Variants in UBE2G1 observed in about 807,000 individuals in gnomAD.
The protein encoded by UBE2G1 is ubiquitin-conjugating enzyme E2 G1.
A neutral mutation model predicts 22.7 loss-of-function variants in UBE2G1; 5 were observed. The ratio of observed to expected loss-of-function variants is 0.22; its 90% CI spans 0.12 to 0.46. The LOEUF (loss-of-function observed/expected upper bound fraction) is 0.46, where lower values mean the gene tolerates loss of function less well. Among genes scored for constraint, UBE2G1 ranks in the 20% least tolerant of loss-of-function variants. UBE2G1 has a pLI of 0.99. For missense variants in UBE2G1, 88 were observed against 203.9 expected (o/e 0.43, Z 3.46); for synonymous variants, 74 against 67.5 (o/e 1.10, Z -0.47).
rs1968772717 is a variant in UBE2G1 at position 4,272,481 on chromosome 17, G to A, written c.*73C>T. On this transcript the variant is annotated 3_prime_UTR_variant, in exon 6 of 6. Transcript: ENST00000396981. Reference sequence around the variant, plus strand: ...AAGTCCAGCAATAGGTGGGTAGAGTGCAGGAAAAACAGTGCCATGTTTCTC... The same window carrying A: ...AAGTCCAGCAATAGGTGGGTAGAGTACAGGAAAAACAGTGCCATGTTTCTC... The A allele has an allele frequency of 1.1e-5, 2 of 186,762 alleles. No individual in the cohort carries two copies. The highest frequency in any genetic ancestry group is 2.9e-4 in the South Asian group (2 of 6,996). 11.6% of individuals were successfully genotyped at this position (186,762 alleles called of 1,614,324 possible).
intron 2 of UBE2G1, 145 bp downstream of exon 2, chr17:4,306,876 T>A: frequency 1.8e-6 from 1 of 569,716 alleles, no homozygotes; most frequent in East Asian, 3.6e-5. Flanking sequence ...GGTCTCGAAC[T>A]CCTGACCTCA....
chr17:4,347,839 A>G (rs1398242409), intron 1 of UBE2G1, among the ~76,000 whole-genome samples: 1 of 151,830 alleles, frequency 6.6e-6, no homozygotes, highest in Non-Finnish European at 1.5e-5. Flanking sequence ...TGGTTTTTCT[A>G]TTATAATTGT....
rs181929358 is a variant in UBE2G1, at chr17:4,293,020, T to C, written c.248-3612A>G. ...CAATTCACCTATTTGAAAAGCACGA[T>C]TTAATGGTTTCTGTCTAGTATGTCT... On this transcript the variant is annotated intron_variant, in intron 3 of 5. Transcript: ENST00000396981. Among the ~76,000 whole-genome samples the C allele has an allele frequency of 3.3e-5, 5 of 152,330 alleles. No homozygotes were observed. The East Asian group carries it at 7.7e-4, about 23-fold the overall frequency.
intron 1 of UBE2G1, among the ~76,000 whole-genome samples, chr17:4,311,844 T>C (rs1969313921): frequency 6.6e-6 from 1 of 152,210 alleles, no homozygotes. Flanking sequence ...AGAAATCTGT[T>C]CATTCACTGA....
chr17:4,334,012 T>C (rs377509253), intron 1 of UBE2G1, among the ~76,000 whole-genome samples: 4 of 151,590 alleles, frequency 2.6e-5, no homozygotes, highest in Admixed American at 1.3e-4. Context: ...GAAAATCACA[T>C]AGCAGGTCTT....
At chr17:4,366,080 C>T (rs1970031261) in intron 1 of UBE2G1, among the ~76,000 whole-genome samples, 191 bp downstream of exon 1, 1 of 152,112 alleles carries the variant, frequency 6.6e-6, no homozygotes, top group South Asian at 2.1e-4. Context: ...GTCGCGTCCC[C>T]GCCCCCAGTG....
Position 4,366,473 on chromosome 17 carries a change from C to G in UBE2G1, c.-157G>C. 1.6e-6 allele frequency: 1 copy of G among 641,208 alleles called. No individual in the cohort carries two copies. The highest frequency in any genetic ancestry group is 3.5e-5 in the East Asian group (1 of 28,240). 39.7% of individuals were successfully genotyped at this position (641,208 alleles called of 1,614,324 possible). A position where few individuals can be genotyped will look rare whatever the true frequency, so the allele number is the denominator to read the frequency against. ...GGCTGAGGCGGCGGGAGCGGCGCCT[C>G]GCTGCCGGTGCGAGTCCGCTCGCTT... On this transcript the variant is annotated 5_prime_UTR_variant, in exon 1 of 6. Transcript: ENST00000396981.
intron 1 of UBE2G1, among the ~76,000 whole-genome samples, chr17:4,310,938 T>TG (rs1219645029): frequency 6.6e-6 from 1 of 152,138 alleles, no homozygotes; most frequent in Non-Finnish European, 1.5e-5. Flanking sequence ...GAGCTGGGCA[T>TG]GGTGGCTCAC....
At chr17:4,294,848 A>G (rs1260900783) in intron 3 of UBE2G1, among the ~76,000 whole-genome samples, 2 of 152,052 alleles carry the variant, frequency 1.3e-5, no homozygotes, top group African/African-American at 4.8e-5. Flanking sequence ...GGCTGCAGTG[A>G]GCTGTGATCA....
chr17:4,302,485 A>C (rs1464004584), intron 2 of UBE2G1: 2 of 475,556 alleles, frequency 4.2e-6, no homozygotes, highest in Non-Finnish European at 8.5e-6. Context: ...CACGCACTCC[A>C]TTCAGAATCT....
chr17:4,283,395 G>A (rs998569066), intron 4 of UBE2G1, among the ~76,000 whole-genome samples: 3 of 152,188 alleles, frequency 2.0e-5, no homozygotes, highest in African/African-American at 7.2e-5. Flanking sequence ...AGCTACTCAG[G>A]AGGCTGAGGC....
At chr17:4,283,749 G>T (rs530125138) in intron 4 of UBE2G1, among the ~76,000 whole-genome samples, 2 of 152,156 alleles carry the variant, frequency 1.3e-5, no homozygotes, top group South Asian at 4.2e-4. Context: ...AAGAGCAGGA[G>T]AGAGAGGAGT....
At chr17:4,293,828 A>C (rs1415023743) in intron 3 of UBE2G1, among the ~76,000 whole-genome samples, 1 of 152,230 alleles carries the variant, frequency 6.6e-6, no homozygotes, top group Non-Finnish European at 1.5e-5. Flanking sequence ...CAAGTCAAAG[A>C]AACTAAATTA....
At chr17:4,359,117 A>T (rs1248586569) in intron 1 of UBE2G1, among the ~76,000 whole-genome samples, 1 of 152,196 alleles carries the variant, frequency 6.6e-6, no homozygotes, top group Admixed American at 6.5e-5. Context: ...CCTGACATAA[A>T]GAACTTTTTT....
At chr17:4,298,410 T>C (rs1490954721) in intron 2 of UBE2G1, among the ~76,000 whole-genome samples, 4 of 152,172 alleles carry the variant, frequency 2.6e-5, no homozygotes, top group Admixed American at 1.3e-4. Context: ...TACATAACAA[T>C]AGTTAACTAA....
chr17:4,329,439 TC>T (rs1023846569), intron 1 of UBE2G1, among the ~76,000 whole-genome samples: 1 of 151,280 alleles, frequency 6.6e-6, no homozygotes, highest in Non-Finnish European at 1.5e-5. Flanking sequence ...GTGTCTGTGG[TC>T]TCAACTACTG....
intron 2 of UBE2G1, chr17:4,301,612 G>A: frequency 9.8e-7 from 1 of 1,024,928 alleles, no homozygotes; most frequent in South Asian, 1.3e-5. Flanking sequence ...CGAGTATTTG[G>A]AATATGATGG....
intron 2 of UBE2G1, among the ~76,000 whole-genome samples, chr17:4,303,029 A>G (rs1265494036): frequency 6.6e-6 from 1 of 152,188 alleles, no homozygotes; most frequent in Middle Eastern, 3.2e-3. Flanking sequence ...TTCATTAAGT[A>G]TGTGTCTAAG....
chr17:4,296,996 T>C (rs1969120277), intron 2 of UBE2G1, among the ~76,000 whole-genome samples, 182 bp from the exon 3 acceptor site: 1 of 152,208 alleles, frequency 6.6e-6, no homozygotes, highest in Non-Finnish European at 1.5e-5. Context: ...GTCATGGCTA[T>C]CACATTGATT....
Sources: allele counts gnomAD v4.1 joint callset (sites outside exome capture counted in the v4.1 genomes callset), GRCh38; gene constraint gnomAD v4.1.1; transcripts MANE v1.5; gene names NCBI Gene and HGNC (gene_info 2026-07-23, HGNC 2026-07-21).